RNF175: variants seen among roughly 807,000 people sequenced by gnomAD.
RNF175 encodes the protein ring finger protein 175.
Under a neutral mutation model 50.0 loss-of-function variants are expected in RNF175, and 38 were observed. That is an observed-to-expected ratio of 0.76 (90% CI 0.59 to 1.00). The LOEUF is 1.00. Ranked by LOEUF, RNF175 falls within the 50% of genes least tolerant of loss-of-function variation. The pLI, the probability that RNF175 is intolerant of heterozygous loss-of-function variation, is 0.00. For synonymous variants in RNF175, 155 were observed against 146.1 expected (o/e 1.06, Z -0.44); for missense variants, 388 against 409.6 (o/e 0.95, Z 0.46).
intron 1 of RNF175, among the ~76,000 whole-genome samples, chr4:153,752,181 T>C (rs994758195): frequency 1.1e-4 from 16 of 152,224 alleles, no homozygotes; most frequent in African/African-American, 3.6e-4. Context: ...AGGCCAATCA[T>C]TGGAAAGACG....
chr4:153,746,873 A>G (rs1476355937), intron 3 of RNF175, among the ~76,000 whole-genome samples: 1 of 152,254 alleles, frequency 6.6e-6, no homozygotes, highest in East Asian at 1.9e-4. Context: ...GCCTCACAGC[A>G]TGTGCCTACA....
intron 3 of RNF175, among the ~76,000 whole-genome samples, chr4:153,736,549 C>T (rs976609314): frequency 4.6e-5 from 7 of 152,148 alleles, no homozygotes; most frequent in South Asian, 2.1e-4. Context: ...AGTACTCCCT[C>T]TGTTTCTATT....
chr4:153,750,039 G>A (rs1420275325), intron 2 of RNF175, among the ~76,000 whole-genome samples: 1 of 152,218 alleles, frequency 6.6e-6, no homozygotes, highest in African/African-American at 2.4e-5. Flanking sequence ...GGGCAGCCAA[G>A]ATTGAGAACC....
intron 3 of RNF175, among the ~76,000 whole-genome samples, chr4:153,730,559 TC>T (rs1470196259): frequency 6.6e-6 from 1 of 152,222 alleles, no homozygotes; most frequent in Admixed American, 6.5e-5. Flanking sequence ...GATCATTACT[TC>T]TGGTAGTAAA....
At chr4:153,722,257 T>C (rs1185370949) in intron 5 of RNF175, among the ~76,000 whole-genome samples, 1 of 152,200 alleles carries the variant, frequency 6.6e-6, no homozygotes, top group African/African-American at 2.4e-5. Flanking sequence ...ACAGCATGTC[T>C]CAGCAACCAC....
intron 2 of RNF175, 128 bp from the exon 3 acceptor site, chr4:153,748,914 AAT>A: frequency 1.2e-6 from 1 of 803,688 alleles, no homozygotes; most frequent in Non-Finnish European, 1.9e-6. Context: ...GGGGATTTCA[AAT>A]ATAAGGGTTG....
chr4:153,728,334 C>A lies in RNF175; in HGVS notation c.274G>T (p.Val92Phe). 1 of 1,613,764 alleles carries A rather than the reference C, an allele frequency of 6.2e-7. No homozygotes were observed. The highest frequency in any genetic ancestry group is 8.5e-7 in the Non-Finnish European group (1 of 1,179,722). ...AATTTTATCGTGAAATATAAGGGGA[C>A]AACCCACATCTGCAACAAGGTCACC... ...NLVTLLQMWV[V>F]PLYFTIKLYW... The change falls in exon 4 of 9, where the codon GTC (valine) becomes TTC (phenylalanine). Residue 92 changes from valine to phenylalanine, a missense_variant. By Grantham distance (50) the Val-to-Phe change is conservative. Coordinates refer to ENST00000347063, the MANE Select transcript of RNF175 (RefSeq NM_173662.4).
chr4:153,748,236 C>G (rs892122719), intron 3 of RNF175, among the ~76,000 whole-genome samples: 7 of 152,204 alleles, frequency 4.6e-5, no homozygotes, highest in African/African-American at 1.7e-4. Flanking sequence ...TTCTAATCCT[C>G]CTTTTCCTGG....
chr4:153,718,748 G>A (rs953079800), intron 6 of RNF175, among the ~76,000 whole-genome samples: 2 of 152,106 alleles, frequency 1.3e-5, no homozygotes, highest in African/African-American at 4.8e-5. Flanking sequence ...AACCTTATAA[G>A]AAAGGCAGTT....
chr4:153,713,193 C>T (rs1737704803), intron 7 of RNF175: 1 of 152,188 alleles, frequency 6.6e-6, no homozygotes, highest in Non-Finnish European at 1.5e-5. Context: ...GTATACGTCT[C>T]CTGGTCCAGA....
chr4:153,717,577 A>G (rs747853182), intron 6 of RNF175, among the ~76,000 whole-genome samples: 1 of 152,034 alleles, frequency 6.6e-6, no homozygotes, highest in African/African-American at 2.4e-5. Context: ...AAATATTTCT[A>G]TATCTATCCA....
chr4:153,737,039 T>G (rs967179407), intron 3 of RNF175, among the ~76,000 whole-genome samples: 1 of 152,110 alleles, frequency 6.6e-6, no homozygotes, highest in African/African-American at 2.4e-5. Flanking sequence ...TCAAATTTTT[T>G]GTAGAGATGG....
intron 3 of RNF175, among the ~76,000 whole-genome samples, chr4:153,735,725 T>G (rs1250292065): frequency 6.6e-6 from 1 of 151,254 alleles, no homozygotes; most frequent in African/African-American, 2.4e-5. Context: ...CATATTTTGA[T>G]AGATTTATGA....
chr4:153,744,224 C>G (rs1012643031), intron 3 of RNF175, among the ~76,000 whole-genome samples: 1 of 152,102 alleles, frequency 6.6e-6, no homozygotes. Flanking sequence ...GAGTTTCAGA[C>G]CAGCCTGGCC....
chr4:153,745,339 G>A (rs551759937), intron 3 of RNF175, among the ~76,000 whole-genome samples: 2 of 152,300 alleles, frequency 1.3e-5, no homozygotes, highest in East Asian at 1.9e-4. Flanking sequence ...AGATGATTCT[G>A]ATGCACCCTG....
At chr4:153,724,870 G>C (rs1738578676) in intron 4 of RNF175, among the ~76,000 whole-genome samples, 1 of 151,686 alleles carries the variant, frequency 6.6e-6, no homozygotes, top group African/African-American at 2.4e-5. Context: ...TCCACCAGGT[G>C]TGATCCTGCC....
chr4:153,719,114 G>A (rs1837350), intron 6 of RNF175, among the ~76,000 whole-genome samples: 57,400 of 151,752 alleles, frequency 0.38, 11,017 homozygotes, highest in African/African-American at 0.44. Context: ...TCTCCCTCCC[G>A]CTCCCGATAG....
intron 1 of RNF175, among the ~76,000 whole-genome samples, chr4:153,753,956 G>A (rs1258278183): frequency 6.0e-5 from 9 of 150,728 alleles, no homozygotes; most frequent in African/African-American, 2.2e-4. Context: ...GTATCACGAG[G>A]TCAGGAGATA....
At chr4:153,718,417 C>A (rs2127098118) in intron 6 of RNF175, among the ~76,000 whole-genome samples, 1 of 151,832 alleles carries the variant, frequency 6.6e-6, no homozygotes, top group South Asian at 2.1e-4. Context: ...TAATCCAAAT[C>A]ACTGGTGGCT....
Sources: gnomAD v4.1 joint callset for allele counts (sites outside exome capture counted in the v4.1 genomes callset) on GRCh38, gnomAD v4.1.1 for gene constraint, MANE v1.5 for transcripts, NCBI Gene and HGNC (gene_info 2026-07-23, HGNC 2026-07-21) for gene names.